SLC9A9: variants seen among roughly 807,000 people sequenced by gnomAD.
SLC9A9 encodes the protein sodium/hydrogen exchanger 9.
In SLC9A9, 62 loss-of-function variants were observed where a neutral mutation model predicts 77.8. That is an observed-to-expected ratio of 0.80 (90% CI 0.65 to 0.98). The LOEUF is 0.98. SLC9A9 is among the 50% of genes least tolerant of loss of function. The pLI is 0.00. For missense variants in SLC9A9, 775 were observed against 774.9 expected (o/e 1.00, Z 0.00); for synonymous variants, 320 against 283.5 (o/e 1.13, Z -1.29).
At chr3:143,742,193 C>G (rs555010315) in intron 4 of SLC9A9, among the ~76,000 whole-genome samples, 2 of 152,020 alleles carry the variant, frequency 1.3e-5, no homozygotes, top group African/African-American at 4.8e-5. Flanking sequence ...CAGGAACTGA[C>G]TCAGCTCAAG....
At chr3:143,748,677 C>T (rs1935258310) in intron 4 of SLC9A9, among the ~76,000 whole-genome samples, 1 of 148,446 alleles carries the variant, frequency 6.7e-6, no homozygotes, top group Admixed American at 6.7e-5. Flanking sequence ...GGCAAAGAGT[C>T]TCTTTTTGAC....
intron 4 of SLC9A9, among the ~76,000 whole-genome samples, chr3:143,776,031 C>T (rs2108843497): frequency 6.6e-6 from 1 of 152,226 alleles, no homozygotes; most frequent in South Asian, 2.1e-4. Context: ...TATGCAAATC[C>T]TTGGGACATT....
At chr3:143,610,231 C>T (rs937096058) in intron 6 of SLC9A9, among the ~76,000 whole-genome samples, 2 of 152,112 alleles carry the variant, frequency 1.3e-5, no homozygotes, top group African/African-American at 4.8e-5. Context: ...TCACTGCAGC[C>T]TTGATCTCCC....
intron 14 of SLC9A9, among the ~76,000 whole-genome samples, chr3:143,309,472 T>C (rs2030938588): frequency 1.3e-5 from 2 of 151,848 alleles, no homozygotes; most frequent in Non-Finnish European, 1.5e-5. Flanking sequence ...TTTCCAAGTA[T>C]GTCTCCATTT....
intron 4 of SLC9A9, among the ~76,000 whole-genome samples, chr3:143,694,956 G>A (rs1447740): frequency 0.43 from 64,882 of 151,792 alleles, 14,057 homozygotes; most frequent in South Asian, 0.6. Context: ...ATTCTAGAAG[G>A]GGAGGCTGAA....
At chr3:143,274,322 C>A (rs968697202) in intron 14 of SLC9A9, among the ~76,000 whole-genome samples, 1 of 152,188 alleles carries the variant, frequency 6.6e-6, no homozygotes, top group African/African-American at 2.4e-5. Context: ...GTCTTATTTT[C>A]TCTTTACACT....
chr3:143,615,484 C>T (rs138459127), intron 6 of SLC9A9, among the ~76,000 whole-genome samples: 1,586 of 152,250 alleles, frequency 0.01, 27 homozygotes, highest in African/African-American at 0.036. Flanking sequence ...ACTTGCTCCT[C>T]CTCTCTGTCT....
At chr3:143,539,333 C>T (rs1183912851) in intron 9 of SLC9A9, among the ~76,000 whole-genome samples, 1 of 152,112 alleles carries the variant, frequency 6.6e-6, no homozygotes, top group African/African-American at 2.4e-5. Flanking sequence ...TTGAGCTGTG[C>T]CTCCAGAAGC....
At position 143,744,565 on chromosome 3, in the gene SLC9A9, C is replaced by T. The variant is rs535594646; in HGVS notation, c.533+50436G>A. 1.8e-4 allele frequency among the ~76,000 whole-genome samples: 27 copies of T among 152,264 alleles called. 1 individual carries two copies. The South Asian group carries it at 5.0e-3, about 28-fold the overall frequency. On this transcript the variant is annotated intron_variant, in intron 4 of 15. Transcript: ENST00000316549. The stretch of plus-strand genomic sequence containing the variant: ...CAGCAGCCTGCCTAAGCCCTGCTTG[C>T]GATTTTCTCATCAGCGAAAAAGCCT...
chr3:143,415,257 T>C (rs145547218), intron 12 of SLC9A9, among the ~76,000 whole-genome samples: 3 of 152,348 alleles, frequency 2.0e-5, no homozygotes, highest in African/African-American at 7.2e-5. Context: ...AAATCATTGA[T>C]GAAGGTGGCT....
intron 4 of SLC9A9, among the ~76,000 whole-genome samples, chr3:143,780,334 A>G (rs1005489444): frequency 3.3e-5 from 5 of 152,222 alleles, no homozygotes; most frequent in African/African-American, 1.2e-4. Flanking sequence ...TTTGGAGGGA[A>G]GAAGACGTTG....
At chr3:143,809,668 A>G (rs1256297684) in intron 2 of SLC9A9, among the ~76,000 whole-genome samples, 1 of 152,256 alleles carries the variant, frequency 6.6e-6, no homozygotes, top group African/African-American at 2.4e-5. Context: ...TGAGAAGAGC[A>G]GAAAGCTAAA....
chr3:143,399,186 G>A (rs376490318), intron 12 of SLC9A9, among the ~76,000 whole-genome samples: 4 of 152,120 alleles, frequency 2.6e-5, no homozygotes, highest in African/African-American at 9.6e-5. Context: ...AATTTTAAAA[G>A]GAAAGTTGAC....
rs144385559 is a variant in SLC9A9, at chr3:143,417,005, A to G, written c.1470-34891T>C. Among the ~76,000 whole-genome samples, 1,468 of 152,258 alleles carry G rather than the reference A, an allele frequency of 9.6e-3. 22 individuals carry two copies. Among genetic ancestry groups the G allele is most frequent in the African/African-American group, 0.034 (1,398 of 41,538 alleles). ...CTGGAGGAGGATGGGGAAAGGATAAAGAAGAGGTAGTTATTTTGGTGGGAT... is the reference window on the plus strand; with the variant it reads ...CTGGAGGAGGATGGGGAAAGGATAAGGAAGAGGTAGTTATTTTGGTGGGAT... On this transcript the variant is annotated intron_variant, in intron 12 of 15. Transcript: ENST00000316549.
chr3:143,667,013 T>A (rs1352589176), intron 5 of SLC9A9, among the ~76,000 whole-genome samples: 1 of 152,134 alleles, frequency 6.6e-6, no homozygotes, highest in African/African-American at 2.4e-5. Context: ...AAAAAGAGCC[T>A]GCATTGCCAA....
chr3:143,448,016 G>C (rs764399429), intron 12 of SLC9A9, among the ~76,000 whole-genome samples: 1 of 152,294 alleles, frequency 6.6e-6, no homozygotes, highest in South Asian at 2.1e-4. Flanking sequence ...AAGAATGGGG[G>C]ATGGAGGATG....
At chr3:143,618,654 C>T (rs28379392) in intron 6 of SLC9A9, among the ~76,000 whole-genome samples, 29 of 152,142 alleles carry the variant, frequency 1.9e-4, no homozygotes, top group Admixed American at 1.9e-3. Flanking sequence ...CCATTCTTCT[C>T]AGCCTCCTTG....
chr3:143,530,289 G>A (rs571678821), intron 9 of SLC9A9, among the ~76,000 whole-genome samples: 1 of 152,318 alleles, frequency 6.6e-6, no homozygotes, highest in East Asian at 1.9e-4. Flanking sequence ...GACCCGGTGA[G>A]AGATAATTGA....
chr3:143,325,813 G>C (rs1360376234), intron 14 of SLC9A9, among the ~76,000 whole-genome samples: 1 of 152,186 alleles, frequency 6.6e-6, no homozygotes, highest in Non-Finnish European at 1.5e-5. Flanking sequence ...CTGCAGACCT[G>C]GTCTCTGCCT....
Sources: allele counts gnomAD v4.1 joint callset (sites outside exome capture counted in the v4.1 genomes callset), GRCh38; gene constraint gnomAD v4.1.1; transcripts MANE v1.5; gene names NCBI Gene and HGNC (gene_info 2026-07-23, HGNC 2026-07-21).